ME1: variants seen among roughly 807,000 people sequenced by gnomAD.
The protein encoded by ME1 is malic enzyme 1, also known as NADP-dependent malic enzyme.
Under a neutral mutation model 66.4 loss-of-function variants are expected in ME1, and 74 were observed. That is an observed-to-expected ratio of 1.11 (90% confidence interval 0.92 to 1.35). The LOEUF (loss-of-function observed/expected upper bound fraction) is 1.35. Ranked by LOEUF, ME1 falls within the 40% of genes most tolerant of loss-of-function variation. The pLI, the probability that ME1 is intolerant of heterozygous loss-of-function variation, is 0.00. For missense variants in ME1, 750 were observed against 694.1 expected (o/e 1.08, Z -0.90); for synonymous variants, 251 against 235.6 (o/e 1.07, Z -0.60).
intron 3 of ME1, among the ~76,000 whole-genome samples, chr6:83,372,894 A>T (rs944637513): frequency 6.6e-6 from 1 of 152,254 alleles, no homozygotes; most frequent in African/African-American, 2.4e-5. Flanking sequence ...CACAATGGTT[A>T]TGCTATGTCC....
chr6:83,212,208 A>G, intron 13 of ME1, 114 bp from the exon 14 acceptor site: 1 of 615,048 alleles, frequency 1.6e-6, no homozygotes, highest in Non-Finnish European at 2.6e-6. Context: ...TTGCAAAAAC[A>G]TTAAGTGTAT....
intron 2 of ME1, among the ~76,000 whole-genome samples, chr6:83,406,601 G>A (rs926637264): frequency 5.9e-5 from 9 of 152,138 alleles, no homozygotes; most frequent in African/African-American, 1.7e-4. Context: ...TTCAACGTAC[G>A]AATTTGCAGG....
Position 83,223,806 on chromosome 6 carries a change from C to A in ME1, c.1403G>T (p.Cys468Phe). 1 of 1,613,932 alleles carries A rather than the reference C, an allele frequency of 6.2e-7. No individual in the cohort carries two copies. Among genetic ancestry groups the A allele is most frequent in the Non-Finnish European group, 8.5e-7 (1 of 1,179,868 alleles). Residue 468 changes from cysteine to phenylalanine, a missense_variant, in exon 12 of 14, where the codon TGT becomes TTT. Cys to Phe is a radical substitution (Grantham distance 205, BLOSUM62 -2). Transcript: ENST00000369705. ...ATTATCTGTGATCTGCCTCAATCCA[C>A]ACGCCACAACACCAAGAGCAACTCC... ...FPGVALGVVA[C>F]GLRQITDNIF...
chr6:83,347,103 G>A (rs570957655), intron 4 of ME1, among the ~76,000 whole-genome samples: 6 of 151,992 alleles, frequency 3.9e-5, no homozygotes, highest in Admixed American at 6.6e-5. Context: ...ACAGGCGCCC[G>A]CCACCACGCC....
At chr6:83,326,146 G>A (rs537478673) in intron 5 of ME1, among the ~76,000 whole-genome samples, 8 of 152,166 alleles carry the variant, frequency 5.3e-5, no homozygotes, top group African/African-American at 9.6e-5. Context: ...AACAAGCAAC[G>A]GGGAAAGGAT....
chr6:83,263,466 G>T (rs1436601560), intron 6 of ME1, among the ~76,000 whole-genome samples: 1 of 152,096 alleles, frequency 6.6e-6, no homozygotes, highest in Admixed American at 6.6e-5. Flanking sequence ...TGAATGCAAA[G>T]GAAAAGTTCT....
intron 7 of ME1, among the ~76,000 whole-genome samples, chr6:83,241,333 T>C (rs1218640457): frequency 6.6e-6 from 1 of 152,174 alleles, no homozygotes; most frequent in Non-Finnish European, 1.5e-5. Context: ...TTCTATAAGA[T>C]TTAACCAATT....
chr6:83,298,816 A>G (rs566949416), intron 6 of ME1, among the ~76,000 whole-genome samples: 5 of 151,692 alleles, frequency 3.3e-5, no homozygotes, highest in Non-Finnish European at 7.4e-5. Flanking sequence ...TATTTATTAA[A>G]TAGGGAATCC....
chr6:83,281,839 AAG>A (rs1767298662), intron 6 of ME1, among the ~76,000 whole-genome samples: 14 of 144,506 alleles, frequency 9.7e-5, no homozygotes, highest in African/African-American at 2.3e-4. Flanking sequence ...AAAAAAAGAA[AAG>A]AAAACAAAAA....
At chr6:83,254,965 G>T (rs935810338) in intron 6 of ME1, among the ~76,000 whole-genome samples, 2 of 152,102 alleles carry the variant, frequency 1.3e-5, no homozygotes, top group Non-Finnish European at 2.9e-5. Context: ...TTCAAGGACA[G>T]TCTCAAACCA....
In ME1 at chr6:83,407,914, A is replaced by AACACAC; in HGVS notation, c.79-19_79-14dup. On this transcript the variant is annotated splice_polypyrimidine_tract_variant and intron_variant, in intron 1 of 13. Coordinates refer to ENST00000369705, the MANE Select transcript of ME1 (RefSeq NM_002395.6). ...TAAAGGCCAAGTCCTATAGAGAAAA[A>AACACAC]ACACACACACACACACAACAGTATT... 2 of 1,577,498 alleles carry AACACAC rather than the reference A, an allele frequency of 1.3e-6. No homozygotes were observed. Among genetic ancestry groups the AACACAC allele is most frequent in the East Asian group, 2.3e-5 (1 of 43,962 alleles).
intron 6 of ME1, among the ~76,000 whole-genome samples, chr6:83,258,959 A>G (rs945975606): frequency 1.3e-5 from 2 of 152,194 alleles, no homozygotes; most frequent in Non-Finnish European, 2.9e-5. Flanking sequence ...AACTATTAAT[A>G]GCAAAACAGT....
At chr6:83,380,023 C>T (rs1769366729) in intron 3 of ME1, among the ~76,000 whole-genome samples, 1 of 152,032 alleles carries the variant, frequency 6.6e-6, no homozygotes, top group African/African-American at 2.4e-5. Flanking sequence ...AGGTCCAAAG[C>T]ACATACAAGG....
chr6:83,381,279 G>A (rs1304427533), intron 3 of ME1, among the ~76,000 whole-genome samples: 1 of 152,092 alleles, frequency 6.6e-6, no homozygotes, highest in East Asian at 1.9e-4. Context: ...TCTTCTGGGA[G>A]GGCAAGAAAG....
chr6:83,271,525 C>G (rs1767081453), intron 6 of ME1, among the ~76,000 whole-genome samples: 1 of 152,166 alleles, frequency 6.6e-6, no homozygotes, highest in Non-Finnish European at 1.5e-5. Flanking sequence ...TATGATTAGT[C>G]TTTCTCATAT....
At position 83,401,512 on chromosome 6, in the gene ME1, C is replaced by T. The variant is rs536138987; in HGVS notation, c.213-2996G>A. On this transcript the variant is annotated intron_variant, in intron 2 of 13. Transcript: ENST00000369705. Reference sequence around the variant, plus strand: ...TCTTAGCAGGTAGCTGATAAAATGGCCCAGGAAAAGAATATAAAGTAAGGA... The same window carrying T: ...TCTTAGCAGGTAGCTGATAAAATGGTCCAGGAAAAGAATATAAAGTAAGGA... 2.6e-5 allele frequency among the ~76,000 whole-genome samples: 4 copies of T among 151,916 alleles called. No individual in the cohort carries two copies. In the South Asian group the frequency reaches 6.2e-4, roughly 24 times the overall value.
chr6:83,398,368 T>C lies in ME1; in HGVS notation c.361A>G (p.Arg121Gly), dbSNP rs747573920. 2 of 1,571,472 alleles carry C rather than the reference T, an allele frequency of 1.3e-6. No homozygotes were observed. The highest frequency in any genetic ancestry group is 2.3e-5 in the East Asian group (1 of 42,870). ...CATATAAAATAAAAGTTGACATACC[T>C]TGGCTTCCGAAACACCAAACTATAT... ...QQYSLVFRKPRGLFITIHDRG... is the reference protein window; with the variant it reads ...QQYSLVFRKPGGLFITIHDRG... Residue 121 changes from arginine to glycine, a missense_variant and splice_region_variant, in exon 3 of 14, where the codon AGA becomes GGA. Physicochemically the swap from Arg to Gly is moderately radical, Grantham distance 125. Transcript: ENST00000369705.
chr6:83,361,664 T>G (rs549486657), intron 3 of ME1, among the ~76,000 whole-genome samples: 1 of 152,280 alleles, frequency 6.6e-6, no homozygotes, highest in South Asian at 2.1e-4. Context: ...ATAAATAAGC[T>G]CCTTTTGAGA....
chr6:83,281,149 G>GA (rs1046898346), intron 6 of ME1, among the ~76,000 whole-genome samples: 5 of 152,246 alleles, frequency 3.3e-5, no homozygotes, highest in Non-Finnish European at 5.9e-5. Flanking sequence ...ATTCCCTTGT[G>GA]AAAAAATACT....
Sources: gnomAD v4.1 joint callset for allele counts (sites outside exome capture counted in the v4.1 genomes callset) on GRCh38, gnomAD v4.1.1 for gene constraint, MANE v1.5 for transcripts, NCBI Gene and HGNC (gene_info 2026-07-23, HGNC 2026-07-21) for gene names.